Variants in CABP7 observed in about 807,000 individuals in gnomAD.
CABP7 encodes the protein calcium-binding protein 7.
Under a neutral mutation model 23.1 loss-of-function variants are expected in CABP7, and 13 were observed. That is an observed-to-expected ratio of 0.56 (90% CI 0.37 to 0.90). The LOEUF (loss-of-function observed/expected upper bound fraction) is 0.90, where lower values mean the gene tolerates loss of function less well. Ranked by LOEUF, CABP7 falls within the 40% of genes least tolerant of loss-of-function variation. The pLI, the probability that CABP7 is intolerant of heterozygous loss-of-function variation, is 0.01. For synonymous variants in CABP7, 123 were observed against 115.3 expected (o/e 1.07, Z -0.43); for missense variants, 248 against 295.6 (o/e 0.84, Z 1.18).
At chr22:29,726,968 C>G (rs1219489670) in intron 1 of CABP7, among the ~76,000 whole-genome samples, 1 of 152,172 alleles carries the variant, frequency 6.6e-6, no homozygotes, top group Non-Finnish European at 1.5e-5. Flanking sequence ...TTGCTTGTTC[C>G]CCGGGCTCCC....
intron 1 of CABP7, among the ~76,000 whole-genome samples, chr22:29,723,124 G>A (rs565600142): frequency 2.0e-5 from 3 of 152,352 alleles, no homozygotes; most frequent in East Asian, 1.9e-4. Flanking sequence ...TGCAACATGA[G>A]GGGAGGCCCT....
In CABP7 at chr22:29,727,897, A is replaced by C. The variant is rs2067808006; in HGVS notation, c.253+92A>C. 1 of 1,426,480 alleles carries C rather than the reference A, an allele frequency of 7.0e-7. No individual in the cohort carries two copies. The highest frequency in any genetic ancestry group is 1.4e-5 in the South Asian group (1 of 72,772). The allele number at this position is 1,426,480 out of a possible 1,614,324, so 88.4% of individuals were successfully genotyped here. On this transcript the variant is annotated intron_variant, in intron 2 of 4. Transcript: ENST00000216144. This position sits in a 1 kb window ranked among gnomAD's most constrained non-coding sequence, Gnocchi z 4.2. ...GGCCTGAGCTGCTGAGGCTGCATCC[A>C]AATTGGGTCTCTCGCTCCCCTGACT...
chr22:29,726,056 G>C (rs1194208528), intron 1 of CABP7, among the ~76,000 whole-genome samples: 3 of 152,198 alleles, frequency 2.0e-5, no homozygotes, highest in African/African-American at 7.2e-5. Flanking sequence ...CCAGAGTCCA[G>C]GGTTTGCAGA....
chr22:29,722,122 C>T (rs529638931), intron 1 of CABP7, among the ~76,000 whole-genome samples: 1 of 152,310 alleles, frequency 6.6e-6, no homozygotes, highest in Non-Finnish European at 1.5e-5. Flanking sequence ...TCTCCCAGAC[C>T]CCAGGCAGCT....
chr22:29,727,871 G>C lies in CABP7; in HGVS notation c.253+66G>C, dbSNP rs2067807804. 1.9e-5 allele frequency: 29 copies of C among 1,543,172 alleles called. No homozygotes were observed. In the South Asian group the frequency reaches 3.0e-4, roughly 16 times the overall value. On this transcript the variant is annotated intron_variant, in intron 2 of 4. Transcript: ENST00000216144. This position sits in a 1 kb window ranked among gnomAD's most constrained non-coding sequence, Gnocchi z 4.2. ...GGCCCTGGGGGTGGGGCAGGGGCTG[G>C]GGCCTGAGCTGCTGAGGCTGCATCC...
rs75424323 is a variant in CABP7 at position 29,722,772 on chromosome 22, G to A, written c.109+2239G>A. ...CTGGGCGAGACCCAGGCCCTCTGCC[G>A]GGAGGACGCCATTCGCGGAGGAGCC... On this transcript the variant is annotated intron_variant, in intron 1 of 4. Coordinates refer to ENST00000216144, the MANE Select transcript of CABP7 (RefSeq NM_182527.3). 8.2e-3 allele frequency among the ~76,000 whole-genome samples: 1,251 copies of A among 152,346 alleles called. 21 individuals are homozygous for A. The highest frequency in any genetic ancestry group is 0.028 in the African/African-American group (1,183 of 41,576).
At chr22:29,721,646 G>A (rs2067762630) in intron 1 of CABP7, among the ~76,000 whole-genome samples, 1 of 152,132 alleles carries the variant, frequency 6.6e-6, no homozygotes, top group South Asian at 2.1e-4. Context: ...AAGCCATGGA[G>A]GGAGGTCCTC....
At chr22:29,726,995 C>T (rs1474063184) in intron 1 of CABP7, among the ~76,000 whole-genome samples, 1 of 152,150 alleles carries the variant, frequency 6.6e-6, no homozygotes, top group East Asian at 1.9e-4. Context: ...GTGCATTGCT[C>T]ACCACCTGAG....
At position 29,727,956 on chromosome 22, in the gene CABP7, G is replaced by C. The variant is rs941639172; in HGVS notation, c.253+151G>C. 3.4e-6 allele frequency: 3 copies of C among 883,262 alleles called. No individual in the cohort carries two copies. The highest frequency in any genetic ancestry group is 3.4e-5 in the African/African-American group (2 of 58,910). The allele number at this position is 883,262 out of a possible 1,614,324, so 54.7% of individuals were successfully genotyped here. ...CAAAGTCCGTGGCAGGTTGCAGCCC[G>C]GTCTGGCCCCATTTCTCAGCCTGGA... On this transcript the variant is annotated intron_variant, in intron 2 of 4. Coordinates refer to ENST00000216144, the MANE Select transcript of CABP7 (RefSeq NM_182527.3). The surrounding 1 kb of genome is among the most constrained non-coding windows in gnomAD (Gnocchi z 4.2).
At position 29,727,791 on chromosome 22, in the gene CABP7, G is replaced by T; in HGVS notation, c.239G>T (p.Arg80Leu). Residue 80 changes from arginine (R) to leucine (L), a missense_variant, in exon 2 of 5, where the codon CGG becomes CTG. Transcript: ENST00000216144. The surrounding 1 kb of genome is among the most constrained non-coding windows in gnomAD (Gnocchi z 4.2). ...GTGGAGCTGGAGGTCATCATCCAGC[G>T]GCTGGACATGGATGGTGAGCACCCC... is the stretch of plus-strand genomic sequence containing the variant. ...NEVELEVIIQRLDMDGDGQVD... is the reference protein window; with the variant it reads ...NEVELEVIIQLLDMDGDGQVD... The T allele has an allele frequency of 1.2e-6, 2 of 1,610,480 alleles. No individual in the cohort carries two copies. Among genetic ancestry groups the T allele is most frequent in the South Asian group, 1.1e-5 (1 of 90,652 alleles).
rs1358254444 is a variant in CABP7, at chr22:29,730,634, C to T, written c.*1065C>T. 1 of 152,450 alleles carries T rather than the reference C, an allele frequency of 6.6e-6. No homozygotes were observed. The highest frequency in any genetic ancestry group is 1.5e-5 in the Non-Finnish European group (1 of 68,138). The allele number at this position is 152,450 out of a possible 1,614,324, so 9.4% of individuals were successfully genotyped here. ...CAAGGTTGGAGACCCCGCTCCCATGCCCCAGCTGTGCCATCCCAAATACTT... is the reference window on the plus strand; with the variant it reads ...CAAGGTTGGAGACCCCGCTCCCATGTCCCAGCTGTGCCATCCCAAATACTT... On this transcript the variant is annotated 3_prime_UTR_variant, in exon 5 of 5. Coordinates refer to ENST00000216144, the MANE Select transcript of CABP7 (RefSeq NM_182527.3).
chr22:29,727,777 G>A lies in CABP7; in HGVS notation c.225G>A (p.Glu75=), dbSNP rs1222074137. The A allele has an allele frequency of 9.3e-6, 15 of 1,611,928 alleles. No homozygotes were observed. Among genetic ancestry groups the A allele is most frequent in the Non-Finnish European group, 1.3e-5 (15 of 1,178,932 alleles). The change falls in exon 2 of 5, where the codon GAG becomes GAA. Residue 75 remains glutamate (E), a synonymous_variant. Transcript: ENST00000216144. The surrounding 1 kb of genome is among the most constrained non-coding windows in gnomAD (Gnocchi z 4.2). ...LGYMPNEVEL[E]VIIQRLDMDG... is the part of the protein sequence containing the mutation. ...ACATGCCCAACGAGGTGGAGCTGGA[G>A]GTCATCATCCAGCGGCTGGACATGG...
chr22:29,727,560 C>T lies in CABP7; in HGVS notation c.110-102C>T, dbSNP rs540634998. ...ATCTGCAGGCTCTGGGTTGGGCTCTCAAGGCCATGCTCAGGCTGCAGGGTC... is the reference window on the plus strand; with the variant it reads ...ATCTGCAGGCTCTGGGTTGGGCTCTTAAGGCCATGCTCAGGCTGCAGGGTC... On this transcript the variant is annotated intron_variant, in intron 1 of 4. Transcript: ENST00000216144. This position sits in a 1 kb window ranked among gnomAD's most constrained non-coding sequence, Gnocchi z 4.2. 1 of 1,479,782 alleles carries T rather than the reference C, an allele frequency of 6.8e-7. No homozygotes were observed. Among genetic ancestry groups the T allele is most frequent in the Admixed American group, 1.8e-5 (1 of 55,770 alleles). 91.7% of individuals were successfully genotyped at this position (1,479,782 alleles called of 1,614,324 possible).
At chr22:29,728,783 T>G (rs2067814299) in intron 3 of CABP7, 41 bp downstream of exon 3, 5 of 1,415,692 alleles carry the variant, frequency 3.5e-6, no homozygotes, top group Non-Finnish European at 5.0e-6. Context: ...GTGCACACTG[T>G]GGAGTTCTGT....
chr22:29,726,376 T>TGGGCTAGGCTCCCCTGTCCCCCG (rs1158104795), intron 1 of CABP7, among the ~76,000 whole-genome samples: 2 of 152,126 alleles, frequency 1.3e-5, no homozygotes, highest in Non-Finnish European at 2.9e-5. Flanking sequence ...ACCAACAGGC[T>TGGGCTAGGCTCCCCTGTCCCCCG]GGGCTAGGCT....
rs2067844973 is a variant in CABP7, at chr22:29,731,569, G to A, written c.*2000G>A. On this transcript the variant is annotated 3_prime_UTR_variant, in exon 5 of 5. Transcript: ENST00000216144. ...CAAGGAAATAGCGGGGTTGCAGGCA[G>A]ACATTGAGCTGCGAGACAATGGGAA... The A allele has an allele frequency of 5.6e-6, 3 of 533,588 alleles. No individual in the cohort carries two copies. Among genetic ancestry groups the A allele is most frequent in the Non-Finnish European group, 9.5e-6 (3 of 316,976 alleles). 33.1% of individuals were successfully genotyped at this position (533,588 alleles called of 1,614,324 possible). A position where few individuals can be genotyped will look rare whatever the true frequency, so the allele number is the denominator to read the frequency against.
chr22:29,724,803 C>T (rs1436631797), intron 1 of CABP7, among the ~76,000 whole-genome samples: 1 of 152,214 alleles, frequency 6.6e-6, no homozygotes, highest in African/African-American at 2.4e-5. Context: ...GGCTGCTGGG[C>T]CTGCAGGGCT....
intron 1 of CABP7, among the ~76,000 whole-genome samples, chr22:29,726,871 C>A (rs2067798932): frequency 6.6e-6 from 1 of 152,226 alleles, no homozygotes; most frequent in African/African-American, 2.4e-5. Context: ...TGAGGACCCC[C>A]TCAACTGTGT....
chr22:29,731,219 A>AG lies in CABP7; in HGVS notation c.*1654dup. On this transcript the variant is annotated 3_prime_UTR_variant, in exon 5 of 5. Transcript: ENST00000216144. Reference sequence around the variant, plus strand: ...ACCACGTGGGGGTCAGTCGGGGGCAAGGGGCTCAGCCCCACTGGACTCTGG... The same window carrying AG: ...ACCACGTGGGGGTCAGTCGGGGGCAAGGGGGCTCAGCCCCACTGGACTCTGG... The AG allele has an allele frequency of 6.7e-7, 1 of 1,491,228 alleles. No homozygotes were observed. Among genetic ancestry groups the AG allele is most frequent in the Non-Finnish European group, 8.8e-7 (1 of 1,130,624 alleles). The allele number at this position is 1,491,228 out of a possible 1,614,324, so 92.4% of individuals were successfully genotyped here. A position where few individuals can be genotyped will look rare whatever the true frequency, so the allele number is the denominator to read the frequency against.
Sources: allele counts gnomAD v4.1 joint callset (sites outside exome capture counted in the v4.1 genomes callset), GRCh38; gene constraint gnomAD v4.1.1; non-coding constraint Gnocchi (gnomAD v3.1); transcripts MANE v1.5; gene names NCBI Gene and HGNC (gene_info 2026-07-23, HGNC 2026-07-21).